Variants in EPHA6 observed in about 807,000 individuals in gnomAD.
EPHA6 encodes the protein EPH receptor A6.
EPHA6 carries 50 observed loss-of-function variants against 112.0 expected under a neutral mutation model. The observed-to-expected ratio is 0.45, with a 90% CI of 0.36 to 0.56. The LOEUF (loss-of-function observed/expected upper bound fraction) is 0.56, where lower values mean the gene tolerates loss of function less well. Among genes scored for constraint, EPHA6 ranks in the 20% least tolerant of loss-of-function variants. The pLI is 0.00. For missense variants in EPHA6, 1,280 were observed against 1,417.4 expected, an observed-to-expected ratio of 0.90 and a Z score of 1.56; for synonymous variants, 529 against 490.7, an observed-to-expected ratio of 1.08 and a Z score of -1.03.
chr3:97,755,794 A>T lies in EPHA6; in HGVS notation c.*7093A>T, dbSNP rs2036012381. On this transcript the variant is annotated 3_prime_UTR_variant, in exon 18 of 18. Coordinates refer to ENST00000389672, the MANE Select transcript of EPHA6 (RefSeq NM_001080448.3). ...ACAAGTTTTTCCACATTTGTAGCTC[A>T]TCCTTAGAACAGTCTTAATTTGGCT... Among the ~76,000 whole-genome samples, 1 of 152,080 alleles carries T rather than the reference A, an allele frequency of 6.6e-6. No individual in the cohort carries two copies. Among genetic ancestry groups the T allele is most frequent in the Non-Finnish European group, 1.5e-5 (1 of 67,916 alleles).
chr3:97,373,689 G>C (rs1215128773), intron 5 of EPHA6, among the ~76,000 whole-genome samples: 3 of 152,010 alleles, frequency 2.0e-5, no homozygotes, highest in African/African-American at 7.2e-5. Context: ...GAAAGAGAGA[G>C]GTGATCATTT....
At chr3:97,625,687 CTGT>C (rs1560203746) in intron 13 of EPHA6, among the ~76,000 whole-genome samples, 1 of 151,514 alleles carries the variant, frequency 6.6e-6, no homozygotes, top group Non-Finnish European at 1.5e-5. Context: ...TTTTGATGGT[CTGT>C]TGTTACTTAT....
intron 6 of EPHA6, among the ~76,000 whole-genome samples, chr3:97,421,046 A>G (rs951624542): frequency 2.6e-5 from 4 of 152,112 alleles, no homozygotes; most frequent in Admixed American, 6.5e-5. Context: ...GTAATATGAG[A>G]TAACTTCTTT....
At chr3:97,541,945 G>C (rs1473546049) in intron 11 of EPHA6, among the ~76,000 whole-genome samples, 1 of 151,656 alleles carries the variant, frequency 6.6e-6, no homozygotes, top group Non-Finnish European at 1.5e-5. Context: ...TCCCACAATA[G>C]GCCATCTGCA....
chr3:97,611,814 C>T (rs1324587277), intron 13 of EPHA6, among the ~76,000 whole-genome samples: 1 of 151,618 alleles, frequency 6.6e-6, no homozygotes, highest in Non-Finnish European at 1.5e-5. Context: ...TCGTTTTTTG[C>T]CCCATGTTAT....
chr3:97,423,337 T>C (rs2088835098), intron 6 of EPHA6, among the ~76,000 whole-genome samples: 1 of 152,188 alleles, frequency 6.6e-6, no homozygotes, highest in Non-Finnish European at 1.5e-5. Context: ...GAAAAATTGG[T>C]AGCATTTTTA....
intron 5 of EPHA6, among the ~76,000 whole-genome samples, chr3:97,298,309 T>A (rs191024526): frequency 3.3e-5 from 5 of 152,266 alleles, no homozygotes; most frequent in Admixed American, 3.3e-4. Context: ...AATGACAGAG[T>A]TAGAACTTCT....
intron 2 of EPHA6, among the ~76,000 whole-genome samples, chr3:96,964,183 G>A (rs975333859): frequency 6.6e-6 from 1 of 151,930 alleles, no homozygotes; most frequent in South Asian, 2.1e-4. Context: ...ATGCTCATTC[G>A]TTATTTTAAG....
intron 11 of EPHA6, among the ~76,000 whole-genome samples, chr3:97,558,268 A>G (rs1297176080): frequency 6.6e-6 from 1 of 151,942 alleles, no homozygotes; most frequent in Non-Finnish European, 1.5e-5. Flanking sequence ...AGGCTTTCCC[A>G]TATCCACAGG....
intron 5 of EPHA6, among the ~76,000 whole-genome samples, chr3:97,251,970 A>C (rs1464222178): frequency 6.6e-6 from 1 of 152,256 alleles, no homozygotes; most frequent in East Asian, 1.9e-4. Context: ...TATTTGCATT[A>C]AAATTTAACA....
In EPHA6 at chr3:97,405,166, T is replaced by C. The variant is rs2087257687; in HGVS notation, c.1623T>C (p.Gly541=). The change falls in exon 6 of 18, where the codon GGT becomes GGC. Residue 541 remains glycine (G), a synonymous_variant. Coordinates refer to ENST00000389672, the MANE Select transcript of EPHA6 (RefSeq NM_001080448.3). ...TTDQDAPSLI[G]VVRKDWASQN... is the part of the protein sequence containing the mutation. ...TCCTTTCAGCACCTTCCCTGATAGGTGTGGTAAGGAAGGACTGGGCATCCC... is the reference window on the plus strand; with the variant it reads ...TCCTTTCAGCACCTTCCCTGATAGGCGTGGTAAGGAAGGACTGGGCATCCC... The C allele has an allele frequency of 6.3e-7, 1 of 1,599,606 alleles. No individual in the cohort carries two copies. Among genetic ancestry groups the C allele is most frequent in the African/African-American group, 1.3e-5 (1 of 74,810 alleles).
chr3:97,615,222 A>G (rs970107979), intron 13 of EPHA6, among the ~76,000 whole-genome samples: 1 of 152,144 alleles, frequency 6.6e-6, no homozygotes, highest in African/African-American at 2.4e-5. Context: ...CACTTCTCCC[A>G]TGGATTTTTG....
chr3:97,367,731 A>T lies in EPHA6; in HGVS notation c.1607-37419A>T, dbSNP rs372357656. ...ATTTGTAACCCAATTGGTATGGTAT[A>T]CTTCCTCTTAGGAAGCATTTTGGGG... is the stretch of plus-strand genomic sequence containing the variant. On this transcript the variant is annotated intron_variant, in intron 5 of 17. Transcript: ENST00000389672. Among the ~76,000 whole-genome samples the T allele has an allele frequency of 6.8e-4, 103 of 152,176 alleles. 1 individual carries two copies. Among genetic ancestry groups the T allele is most frequent in the African/African-American group, 2.2e-3 (90 of 41,530 alleles).
intron 3 of EPHA6, among the ~76,000 whole-genome samples, chr3:96,990,459 A>G (rs2043173942): frequency 6.6e-6 from 1 of 152,170 alleles, no homozygotes; most frequent in South Asian, 2.1e-4. Context: ...CAGAAATTGG[A>G]AGATTTAAGT....
At chr3:97,536,765 C>T (rs531127918) in intron 11 of EPHA6, among the ~76,000 whole-genome samples, 14 of 152,206 alleles carry the variant, frequency 9.2e-5, no homozygotes, top group Non-Finnish European at 1.8e-4. Context: ...ATTTCTGCTA[C>T]TGTATTACTG....
intron 11 of EPHA6, among the ~76,000 whole-genome samples, chr3:97,544,678 C>G (rs1156542189): frequency 6.6e-6 from 1 of 152,212 alleles, no homozygotes; most frequent in Non-Finnish European, 1.5e-5. Flanking sequence ...ACCAGCTCCT[C>G]TTTGTACCTC....
intron 10 of EPHA6, among the ~76,000 whole-genome samples, chr3:97,498,193 T>G (rs1030710532): frequency 6.6e-6 from 1 of 152,132 alleles, no homozygotes; most frequent in African/African-American, 2.4e-5. Context: ...CTATAATTCC[T>G]ATGAAGACAA....
intron 3 of EPHA6, among the ~76,000 whole-genome samples, chr3:97,098,763 T>C (rs2047319267): frequency 6.6e-6 from 1 of 151,792 alleles, no homozygotes; most frequent in African/African-American, 2.4e-5. Flanking sequence ...AACACTACAA[T>C]CCACTATGTC....
At chr3:97,238,426 G>T (rs746293484) in intron 4 of EPHA6, among the ~76,000 whole-genome samples, 2 of 151,862 alleles carry the variant, frequency 1.3e-5, no homozygotes, top group Non-Finnish European at 2.9e-5. Flanking sequence ...ACAAAACTAT[G>T]CATTGCATTC....
Sources: allele counts gnomAD v4.1 joint callset (sites outside exome capture counted in the v4.1 genomes callset), GRCh38; gene constraint gnomAD v4.1.1; transcripts MANE v1.5; gene names NCBI Gene and HGNC (gene_info 2026-07-23, HGNC 2026-07-21).